SS18: variants seen among roughly 807,000 people sequenced by gnomAD.
SS18 encodes the protein SS18 subunit of BAF chromatin remodeling complex.
SS18 carries 28 observed loss-of-function variants against 72.5 expected under a neutral mutation model. The observed-to-expected ratio is 0.39, with a 90% CI of 0.29 to 0.53. SS18 has a LOEUF of 0.53. Ranked by LOEUF, SS18 falls within the 20% of genes least tolerant of loss-of-function variation. The probability of loss-of-function intolerance (pLI) is 0.76; values close to 1 mark genes in which losing one functional copy is unlikely to be tolerated. For missense variants in SS18, 518 were observed against 535.3 expected (o/e 0.97, Z 0.32); for synonymous variants, 172 against 164.2 (o/e 1.05, Z -0.37).
intron 5 of SS18, among the ~76,000 whole-genome samples, chr18:26,041,601 T>C (rs2053724780): frequency 6.6e-6 from 1 of 152,186 alleles, no homozygotes; most frequent in Admixed American, 6.5e-5. Flanking sequence ...TGATCGGACA[T>C]TTATGTAATT....
chr18:26,027,804 A>T (rs2053477652), intron 10 of SS18, among the ~76,000 whole-genome samples: 1 of 151,758 alleles, frequency 6.6e-6, no homozygotes, highest in Non-Finnish European at 1.5e-5. Flanking sequence ...ATAAAAATCA[A>T]CTCAAAATGA....
chr18:26,019,437 C>G lies in SS18; in HGVS notation c.1231-1057G>C, dbSNP rs1414769002. 2.6e-5 allele frequency among the ~76,000 whole-genome samples: 4 copies of G among 152,086 alleles called. No homozygotes were observed. In the East Asian group the frequency reaches 7.7e-4, roughly 29 times the overall value. On this transcript the variant is annotated intron_variant, in intron 10 of 10. Transcript: ENST00000415083. ...TAAGAAATGGTACCCTAAAAATCTACATTTCCACAGAAGTAAATACACATG... is the reference window on the plus strand; with the variant it reads ...TAAGAAATGGTACCCTAAAAATCTAGATTTCCACAGAAGTAAATACACATG...
rs191240745 is a variant in SS18 at position 26,088,166 on chromosome 18, G to A, written c.70-589C>T. ...TCCCTCTGAATAAACAAGCCCAGAAGGGAAAATCTGAATTCTTTTATATCA... is the reference window on the plus strand; with the variant it reads ...TCCCTCTGAATAAACAAGCCCAGAAAGGAAAATCTGAATTCTTTTATATCA... On this transcript the variant is annotated intron_variant, in intron 1 of 10. Coordinates refer to ENST00000415083, the MANE Select transcript of SS18 (RefSeq NM_001007559.3). 9.2e-5 allele frequency among the ~76,000 whole-genome samples: 14 copies of A among 152,230 alleles called. No individual in the cohort carries two copies. In the East Asian group the frequency reaches 2.7e-3, roughly 29 times the overall value.
intron 3 of SS18, among the ~76,000 whole-genome samples, chr18:26,058,868 C>T (rs1168133153): frequency 6.6e-6 from 1 of 152,154 alleles, no homozygotes; most frequent in South Asian, 2.1e-4. Context: ...CACTTAAAAA[C>T]CTTGTTCAGT....
chr18:26,056,497 G>C (rs2054024400), intron 4 of SS18, among the ~76,000 whole-genome samples: 1 of 152,134 alleles, frequency 6.6e-6, no homozygotes, highest in Non-Finnish European at 1.5e-5. Context: ...CAGGAAATAG[G>C]AGACAGCCAC....
Position 26,090,460 on chromosome 18 carries a change from G to A in SS18, c.69+41C>T, listed in dbSNP as rs368968330. The A allele has an allele frequency of 9.7e-6, 15 of 1,543,244 alleles. No individual in the cohort carries two copies. In the South Asian group the frequency reaches 1.3e-4, roughly 13 times the overall value. On this transcript the variant is annotated intron_variant, in intron 1 of 10. Transcript: ENST00000415083. Reference sequence around the variant, plus strand: ...TCCCCCCGCGTCTGTCTCTCCCAGAGGCGGTAAGGGCCTGGCATCCGCAAC... The same window carrying A: ...TCCCCCCGCGTCTGTCTCTCCCAGAAGCGGTAAGGGCCTGGCATCCGCAAC...
At chr18:26,083,258 C>CATAT (rs58482124) in intron 2 of SS18, among the ~76,000 whole-genome samples, 217 of 151,772 alleles carry the variant, frequency 1.4e-3, no homozygotes, top group South Asian at 4.4e-3. Flanking sequence ...GGGAAATGAT[C>CATAT]ATATATATAT....
chr18:26,072,251 C>T (rs1045674869), intron 3 of SS18, among the ~76,000 whole-genome samples: 4 of 151,268 alleles, frequency 2.6e-5, no homozygotes, highest in African/African-American at 9.7e-5. Flanking sequence ...GTAAGATTTC[C>T]CAACTAGAAA....
intron 10 of SS18, among the ~76,000 whole-genome samples, chr18:26,018,780 G>A (rs1467473006): frequency 6.6e-6 from 1 of 152,140 alleles, no homozygotes; most frequent in Non-Finnish European, 1.5e-5. Flanking sequence ...TGTTTAGCTT[G>A]TTATAATTAT....
chr18:26,084,667 T>G (rs2054586014), intron 2 of SS18, among the ~76,000 whole-genome samples: 1 of 152,142 alleles, frequency 6.6e-6, no homozygotes, highest in Non-Finnish European at 1.5e-5. Flanking sequence ...CTGCTAAAAG[T>G]GTATAGTGTG....
chr18:26,070,261 G>A (rs2054290169), intron 3 of SS18, among the ~76,000 whole-genome samples: 1 of 151,944 alleles, frequency 6.6e-6, no homozygotes, highest in African/African-American at 2.4e-5. Flanking sequence ...TGCCTGCAAG[G>A]TTTACCAAGA....
chr18:26,064,805 AAAG>A (rs1285687033), intron 3 of SS18: 14 of 152,240 alleles, frequency 9.2e-5, no homozygotes, highest in African/African-American at 1.4e-4. Flanking sequence ...AATGATTTAA[AAAG>A]AAGACTTACA....
chr18:26,035,096 T>C lies in SS18; in HGVS notation c.1005A>G (p.Ala335=), dbSNP rs1291129853. ...CCTGTTGTGGAGGTGGTCCCTGGTA[T>C]GCATCTTGCTGTTGGCCATACTGTG... is the stretch of plus-strand genomic sequence containing the variant. ...GNSQYGQQQD[A]YQGPPPQQGY... The change falls in exon 9 of 11, where the codon GCA becomes GCG. Residue 335 remains alanine, a synonymous_variant. Transcript: ENST00000415083. The surrounding 1 kb of genome is among the most constrained non-coding windows in gnomAD (Gnocchi z 4.4). The C allele has an allele frequency of 1.2e-6, 2 of 1,613,494 alleles. No homozygotes were observed. The highest frequency in any genetic ancestry group is 8.5e-7 in the Non-Finnish European group (1 of 1,179,622).
At chr18:26,022,693 G>C (rs1180669407) in intron 10 of SS18, among the ~76,000 whole-genome samples, 1 of 152,228 alleles carries the variant, frequency 6.6e-6, no homozygotes, top group Non-Finnish European at 1.5e-5. Context: ...TAACAGGACA[G>C]AGTACCCTAC....
intron 3 of SS18, among the ~76,000 whole-genome samples, chr18:26,061,986 T>G (rs1372637073): frequency 6.6e-6 from 1 of 151,986 alleles, no homozygotes; most frequent in Non-Finnish European, 1.5e-5. Flanking sequence ...TTAGGCCGGG[T>G]GAGGTGGGTC....
In SS18 at chr18:26,017,050, T is replaced by G; in HGVS notation, c.*1304A>C. 4.5e-6 allele frequency: 1 copy of G among 223,512 alleles called. No individual in the cohort carries two copies. Among genetic ancestry groups the G allele is most frequent in the Non-Finnish European group, 8.9e-6 (1 of 111,900 alleles). The allele number at this position is 223,512 out of a possible 1,614,324, so 13.8% of individuals were successfully genotyped here. ...CTTAAATAACCGTGGTTAGAAATTT[T>G]TCAATGCATGCTTTCCTGCCCCACG... On this transcript the variant is annotated 3_prime_UTR_variant, in exon 11 of 11. Coordinates refer to ENST00000415083, the MANE Select transcript of SS18 (RefSeq NM_001007559.3).
chr18:26,061,520 T>C (rs150776522), intron 3 of SS18, among the ~76,000 whole-genome samples: 251 of 152,014 alleles, frequency 1.7e-3, no homozygotes, highest in African/African-American at 5.8e-3. Flanking sequence ...AAAACTAAAG[T>C]CAGAAAAAAT....
At chr18:26,057,812 T>C in intron 3 of SS18, 70 bp from the exon 4 acceptor site, 1 of 1,392,362 alleles carries the variant, frequency 7.2e-7, no homozygotes, top group Non-Finnish European at 9.5e-7. Context: ...GGTAAAAGAG[T>C]TGCTTATGTT....
At chr18:26,055,478 A>C (rs920838137) in intron 4 of SS18, among the ~76,000 whole-genome samples, 6 of 152,050 alleles carry the variant, frequency 3.9e-5, no homozygotes, top group African/African-American at 1.4e-4. Flanking sequence ...AAAAAGAAAA[A>C]AATAGTAATT....
Sources: gnomAD v4.1 joint callset for allele counts (sites outside exome capture counted in the v4.1 genomes callset) on GRCh38, gnomAD v4.1.1 for gene constraint, Gnocchi (gnomAD v3.1) non-coding constraint, MANE v1.5 for transcripts, NCBI Gene and HGNC (gene_info 2026-07-23, HGNC 2026-07-21) for gene names.